Variants in CLPTM1 observed in about 807,000 individuals in gnomAD.
CLPTM1 encodes the protein putative lipid scramblase CLPTM1.
A neutral mutation model predicts 77.3 loss-of-function variants in CLPTM1; 21 were observed. That is an observed-to-expected ratio of 0.27 (90% CI 0.19 to 0.39). CLPTM1 has a LOEUF of 0.39. Among genes scored for constraint, CLPTM1 ranks in the 10% least tolerant of loss-of-function variants. The probability of loss-of-function intolerance (pLI) is 1.00; values close to 1 mark genes in which losing one functional copy is unlikely to be tolerated. For missense variants in CLPTM1, 642 were observed against 921.2 expected, an observed-to-expected ratio of 0.70 and a Z score of 3.92; for synonymous variants, 373 against 381.0, an observed-to-expected ratio of 0.98 and a Z score of 0.24.
chr19:44,992,885 G>A lies in CLPTM1; in HGVS notation c.1998G>A (p.Lys666=), dbSNP rs754312869. ...QEAPPKPAED[K]KKD Reference sequence around the variant, plus strand: ...CCCCTCCAAAGCCAGCAGAGGACAAGAAAAAGGATTAGTCGAGACTGGTCC... The same window carrying A: ...CCCCTCCAAAGCCAGCAGAGGACAAAAAAAAGGATTAGTCGAGACTGGTCC... Residue 666 remains lysine, a synonymous_variant, in exon 14 of 14, where the codon AAG becomes AAA. Transcript: ENST00000337392. This position sits in a 1 kb window ranked among gnomAD's most constrained non-coding sequence, Gnocchi z 7.7. The A allele has an allele frequency of 6.2e-6, 10 of 1,613,544 alleles. No homozygotes were observed. The South Asian group carries it at 9.9e-5, about 16-fold the overall frequency.
intron 1 of CLPTM1, among the ~76,000 whole-genome samples, chr19:44,959,909 G>A (rs1970518746): frequency 6.6e-6 from 1 of 152,128 alleles, no homozygotes; most frequent in Non-Finnish European, 1.5e-5. Flanking sequence ...CTTTCCGTGG[G>A]AAGGTTCCCA....
chr19:44,954,967 G>A, upstream of CLPTM1: 1 of 1,534,434 alleles, frequency 6.5e-7, no homozygotes, highest in Non-Finnish European at 8.7e-7. Flanking sequence ...CGAAAGAGGG[G>A]CGTGGTTCGA....
intron 2 of CLPTM1, among the ~76,000 whole-genome samples, chr19:44,963,291 C>T (rs1431469979): frequency 1.4e-5 from 2 of 145,948 alleles, no homozygotes; most frequent in African/African-American, 5.1e-5. Context: ...AGGAGGATCA[C>T]TTGAGCCTTG....
At chr19:44,980,508 CAAAAAAAA>C (rs74516090) in intron 5 of CLPTM1, among the ~76,000 whole-genome samples, 2 of 93,094 alleles carry the variant, frequency 2.1e-5, no homozygotes, top group African/African-American at 4.2e-5. Context: ...GACTCCATCT[CAAAAAAAA>C]AAAAAAAAAA....
chr19:44,974,711 C>T, intron 4 of CLPTM1, 114 bp downstream of exon 4: 2 of 1,229,908 alleles, frequency 1.6e-6, no homozygotes, highest in Non-Finnish European at 2.2e-6. Context: ...CAGGCTTGGC[C>T]CTTCCCTGGG....
chr19:44,980,660 A>G (rs1160438111), intron 5 of CLPTM1, among the ~76,000 whole-genome samples: 5 of 151,748 alleles, frequency 3.3e-5, no homozygotes, highest in African/African-American at 1.2e-4. Context: ...AAGAGTAAAA[A>G]GGTAAAGAGA....
rs567413912 is a variant in CLPTM1, at chr19:44,986,440, C to G, written c.673-15C>G. On this transcript the variant is annotated splice_polypyrimidine_tract_variant and intron_variant, in intron 6 of 13. Transcript: ENST00000337392. ...TCCACCTGCCTCTGAGGTCCTTCCC[C>G]CCATGTTGCCTCAGAGGGCTGAGGA... 6.2e-7 allele frequency: 1 copy of G among 1,613,180 alleles called. No individual in the cohort carries two copies.
In CLPTM1 at chr19:44,993,197, G is replaced by A. The variant is rs1048946939; in HGVS notation, c.*300G>A. Reference sequence around the variant, plus strand: ...GTTGCCGAGGGGGTGGGTTGGGCGGGGGTGGGGCCGGGCCCCCCTACGGGA... The same window carrying A: ...GTTGCCGAGGGGGTGGGTTGGGCGGAGGTGGGGCCGGGCCCCCCTACGGGA... On this transcript the variant is annotated 3_prime_UTR_variant, in exon 14 of 14. Transcript: ENST00000337392. 2 of 472,696 alleles carry A rather than the reference G, an allele frequency of 4.2e-6. No individual in the cohort carries two copies. Among genetic ancestry groups the A allele is most frequent in the Non-Finnish European group, 8.4e-6 (2 of 239,510 alleles). The allele number at this position is 472,696 out of a possible 1,614,324, so 29.3% of individuals were successfully genotyped here. A position where few individuals can be genotyped will look rare whatever the true frequency, so the allele number is the denominator to read the frequency against.
In CLPTM1 at chr19:44,986,450, C is replaced by A; in HGVS notation, c.673-5C>A. On this transcript the variant is annotated splice_region_variant and splice_polypyrimidine_tract_variant and intron_variant, in intron 6 of 13. Transcript: ENST00000337392. ...TCTGAGGTCCTTCCCCCCATGTTGC[C>A]TCAGAGGGCTGAGGACTATGGGCCT... The A allele has an allele frequency of 6.2e-7, 1 of 1,613,714 alleles. No individual in the cohort carries two copies. Among genetic ancestry groups the A allele is most frequent in the Non-Finnish European group, 8.5e-7 (1 of 1,179,778 alleles).
chr19:44,966,794 G>GAAA, intron 2 of CLPTM1, among the ~76,000 whole-genome samples: 1 of 142,824 alleles, frequency 7.0e-6, no homozygotes, highest in South Asian at 2.2e-4. Context: ...GTTCAACGTG[G>GAAA]AAAAAAAAAA....
At chr19:44,960,426 T>C (rs1389986281) in intron 1 of CLPTM1, among the ~76,000 whole-genome samples, 4 of 152,208 alleles carry the variant, frequency 2.6e-5, no homozygotes, top group African/African-American at 9.7e-5. Flanking sequence ...CACAACCTGG[T>C]CCACAGGTCA....
chr19:44,987,859 T>C, intron 8 of CLPTM1: 1 of 599,044 alleles, frequency 1.7e-6, no homozygotes. Flanking sequence ...CAGCACTCCC[T>C]TGGCCTCTGC....
chr19:44,972,529 A>G lies in CLPTM1; in HGVS notation c.186-558A>G, dbSNP rs139810036. Among the ~76,000 whole-genome samples the G allele has an allele frequency of 3.5e-3, 535 of 152,262 alleles. 3 individuals carry two copies. The highest frequency in any genetic ancestry group is 1.0e-2 in the South Asian group (48 of 4,814). ...CTCCCAAAGTGCTGGGATTACAGGC[A>G]TGAGCCGCCGCGCCCGTCCTCGTTC... On this transcript the variant is annotated intron_variant, in intron 2 of 13. Transcript: ENST00000337392.
At position 44,977,324 on chromosome 19, in the gene CLPTM1, G is replaced by A. The variant is rs1475007129; in HGVS notation, c.469-19G>A. ...CCCCAGTTGCCCAGCCTGCCCACCT[G>A]ACCTTCCGTCTTTTGCAGAGCGTCC... On this transcript the variant is annotated intron_variant, in intron 4 of 13. Coordinates refer to ENST00000337392, the MANE Select transcript of CLPTM1 (RefSeq NM_001294.4). 1 of 1,596,182 alleles carries A rather than the reference G, an allele frequency of 6.3e-7. No individual in the cohort carries two copies. The highest frequency in any genetic ancestry group is 2.2e-5 in the East Asian group (1 of 44,806).
At chr19:44,966,283 C>T (rs1159870838) in intron 2 of CLPTM1, among the ~76,000 whole-genome samples, 20 of 151,926 alleles carry the variant, frequency 1.3e-4, no homozygotes, top group Non-Finnish European at 2.5e-4. Context: ...TGGTGGCAGG[C>T]GCCTATAGTC....
At chr19:44,983,617 CAAAAAAAAAAAAAA>C (rs35582067) in intron 5 of CLPTM1, among the ~76,000 whole-genome samples, 9 of 39,798 alleles carry the variant, frequency 2.3e-4, no homozygotes, top group South Asian at 1.6e-3. Context: ...GACTCTGTCT[CAAAAAAAAAAAAAA>C]AAAAAAAAAA....
rs778157562 is a variant in CLPTM1, at chr19:44,963,207, CAAAAAAAAA to C, written c.185+1145_185+1153del. Among the ~76,000 whole-genome samples the C allele has an allele frequency of 1.1e-3, 31 of 29,052 alleles. No homozygotes were observed. The Admixed American group carries it at 0.014, about 13-fold the overall frequency. The allele number at this position is 29,052 out of a possible 152,430, so 19.1% of individuals were successfully genotyped here. ...CTGGGGACAGAGTGAGACTCCATCT[CAAAAAAAAA>C]AAAAAAAAAAAAGCCAGGTATGGTG... On this transcript the variant is annotated intron_variant, in intron 2 of 13. Coordinates refer to ENST00000337392, the MANE Select transcript of CLPTM1 (RefSeq NM_001294.4).
In CLPTM1 at chr19:44,989,833, C is replaced by T. The variant is rs536499236; in HGVS notation, c.1133-562C>T. Among the ~76,000 whole-genome samples, 6 of 152,226 alleles carry T rather than the reference C, an allele frequency of 3.9e-5. No individual in the cohort carries two copies. In the East Asian group the frequency reaches 9.7e-4, roughly 25 times the overall value. ...ACATGGATCCTTGGCAGCATCTAGG[C>T]GGAGCACTGGAAGGAGCTCCAGACT... On this transcript the variant is annotated intron_variant, in intron 9 of 13. Coordinates refer to ENST00000337392, the MANE Select transcript of CLPTM1 (RefSeq NM_001294.4).
At position 44,970,458 on chromosome 19, in the gene CLPTM1, GGC is replaced by G. The variant is rs1970700614; in HGVS notation, c.186-2628_186-2627del. 1.2e-4 allele frequency among the ~76,000 whole-genome samples: 4 copies of G among 32,362 alleles called. 1 individual carries two copies. Among genetic ancestry groups the G allele is most frequent in the African/African-American group, 2.8e-4 (4 of 14,302 alleles). 21.2% of individuals were successfully genotyped at this position (32,362 alleles called of 152,430 possible). ...TCTGTTGCCCAGGCTGGAGTGCAGT[GGC>G]ATGATCGTGGTTCACTGCAGCCTCG... On this transcript the variant is annotated intron_variant, in intron 2 of 13. Coordinates refer to ENST00000337392, the MANE Select transcript of CLPTM1 (RefSeq NM_001294.4).
Sources: gnomAD v4.1 joint callset for allele counts (sites outside exome capture counted in the v4.1 genomes callset) on GRCh38, gnomAD v4.1.1 for gene constraint, Gnocchi (gnomAD v3.1) non-coding constraint, MANE v1.5 for transcripts, NCBI Gene and HGNC (gene_info 2026-07-23, HGNC 2026-07-21) for gene names.